The following TAF4 variants were observed in gnomAD, a reference collection of about 807,000 sequenced individuals.
TAF4 encodes TATA-box binding protein associated factor 4.
TAF4 carries 9 observed loss-of-function variants against 90.3 expected under a neutral mutation model. The observed-to-expected ratio is 0.10, with a 90% CI of 0.06 to 0.17. The LOEUF is 0.17. Ranked by LOEUF, TAF4 falls within the 10% of genes least tolerant of loss-of-function variation. TAF4 has a pLI of 1.00. For synonymous variants in TAF4, 818 were observed against 638.9 expected, an observed-to-expected ratio of 1.28 and a Z score of -4.23; for missense variants, 1,351 against 1,370.7, an observed-to-expected ratio of 0.99 and a Z score of 0.23.
At position 62,065,822 on chromosome 20, in the gene TAF4, G is replaced by A. The variant is rs1357038316; in HGVS notation, c.-12C>T. The A allele has an allele frequency of 9.5e-6, 12 of 1,266,886 alleles. No homozygotes were observed. The highest frequency in any genetic ancestry group is 1.4e-5 in the South Asian group (1 of 73,522). The allele number at this position is 1,266,886 out of a possible 1,614,324, so 78.5% of individuals were successfully genotyped here. A position where few individuals can be genotyped will look rare whatever the true frequency, so the allele number is the denominator to read the frequency against. Reference sequence around the variant, plus strand: ...GAGCCCGCCGCCATCTTTTTTCCTCGGCCGCCGCCGCCGCCGCCGCTCGGG... The same window carrying A: ...GAGCCCGCCGCCATCTTTTTTCCTCAGCCGCCGCCGCCGCCGCCGCTCGGG... On this transcript the variant is annotated 5_prime_UTR_variant, in exon 1 of 15. Transcript: ENST00000252996.
intron 1 of TAF4, 130 bp from the exon 2 acceptor site, chr20:62,014,837 T>A: frequency 8.1e-7 from 1 of 1,232,378 alleles, no homozygotes; most frequent in Non-Finnish European, 1.1e-6. Flanking sequence ...AACACACGAA[T>A]CCCCCAAACT....
Position 62,064,681 on chromosome 20 carries a change from G to T in TAF4, c.1130C>A (p.Pro377Gln). Residue 377 changes from proline (P) to glutamine (Q), a missense_variant, in exon 1 of 15, where the codon CCA becomes CAA. Pro to Gln is a moderately conservative substitution (Grantham distance 76, BLOSUM62 -1). This residue lies in a region of TAF4 where 782 missense variants were observed against 536.6 expected (regional missense o/e 1.46). Transcript: ENST00000252996. Reference sequence around the variant, plus strand: ...GCTGGGCAGCGCCCCTTGCATAGTTGGCCCGATGACCATGCTGGCCGCCGT... The same window carrying T: ...GCTGGGCAGCGCCCCTTGCATAGTTTGCCCGATGACCATGCTGGCCGCCGT... ...ASTAASMVIG[P>Q]TMQGALPSPA... The T allele has an allele frequency of 7.9e-7, 1 of 1,272,462 alleles. No homozygotes were observed. The highest frequency in any genetic ancestry group is 9.9e-7 in the Non-Finnish European group (1 of 1,014,352). 78.8% of individuals were successfully genotyped at this position (1,272,462 alleles called of 1,614,324 possible).
At chr20:61,976,921 C>A (rs935889446) in intron 14 of TAF4, among the ~76,000 whole-genome samples, 3 of 152,230 alleles carry the variant, frequency 2.0e-5, no homozygotes, top group Non-Finnish European at 2.9e-5. Flanking sequence ...CCAGGTGTCT[C>A]CCGAGCTGCC....
chr20:61,982,593 CG>C (rs2055556237), intron 14 of TAF4, among the ~76,000 whole-genome samples: 1 of 81,532 alleles, frequency 1.2e-5, no homozygotes, highest in African/African-American at 4.9e-5. Flanking sequence ...ACACCCCACC[CG>C]AGAGGAGACA....
chr20:62,036,033 T>A (rs1220026780), intron 1 of TAF4, among the ~76,000 whole-genome samples: 3 of 149,466 alleles, frequency 2.0e-5, no homozygotes, highest in Admixed American at 6.6e-5. Context: ...CTTTTTTTTT[T>A]TAAAAAAAAA....
intron 5 of TAF4, 98 bp from the exon 6 acceptor site, chr20:62,007,734 C>T (rs903404559): frequency 1.6e-5 from 19 of 1,187,872 alleles, no homozygotes; most frequent in South Asian, 5.7e-5. Flanking sequence ...CGGCTGATTC[C>T]GCCCCGAGTT....
At position 62,010,297 on chromosome 20, in the gene TAF4, C is replaced by A. The variant is rs1281143432; in HGVS notation, c.1642-132G>T. On this transcript the variant is annotated intron_variant, in intron 3 of 14. Transcript: ENST00000252996. This position sits in a 1 kb window ranked among gnomAD's most constrained non-coding sequence, Gnocchi z 4.5. Reference sequence around the variant, plus strand: ...CAGGACGCCCAGGAAGCCAAGGACCCCGGCCACCTGCCAGCCCGCTGGACA... The same window carrying A: ...CAGGACGCCCAGGAAGCCAAGGACCACGGCCACCTGCCAGCCCGCTGGACA... 1.1e-5 allele frequency: 15 copies of A among 1,364,288 alleles called. No individual in the cohort carries two copies. In the East Asian group the frequency reaches 1.2e-4, roughly 11 times the overall value. The allele number at this position is 1,364,288 out of a possible 1,614,324, so 84.5% of individuals were successfully genotyped here.
At position 62,009,160 on chromosome 20, in the gene TAF4, G is replaced by A. The variant is rs200374501; in HGVS notation, c.1776C>T (p.Asn592=). 138 of 1,606,828 alleles carry A rather than the reference G, an allele frequency of 8.6e-5. No homozygotes were observed. Among genetic ancestry groups the A allele is most frequent in the Non-Finnish European group, 1.1e-4 (130 of 1,177,868 alleles). Residue 592 remains asparagine, a synonymous_variant, in exon 5 of 15, where the codon AAC becomes AAT. Transcript: ENST00000252996. ...TSSAATETME[N]VKKCKNFLST... Reference sequence around the variant, plus strand: ...ATAGGAAATTTTTACATTTCTTCACGTTTTCCATAGTTTCCTGGATTAAAG... The same window carrying A: ...ATAGGAAATTTTTACATTTCTTCACATTTTCCATAGTTTCCTGGATTAAAG...
chr20:62,021,441 T>C (rs2055842490), intron 1 of TAF4, among the ~76,000 whole-genome samples: 2 of 152,232 alleles, frequency 1.3e-5, no homozygotes, highest in Non-Finnish European at 1.5e-5. Context: ...ACAGCCCTTC[T>C]AGCTGCTGAG....
chr20:62,040,960 T>C (rs1358741839), intron 1 of TAF4, among the ~76,000 whole-genome samples: 1 of 152,236 alleles, frequency 6.6e-6, no homozygotes, highest in Non-Finnish European at 1.5e-5. Context: ...AGCTGGCAAA[T>C]GTATAGCGTA....
intron 1 of TAF4, among the ~76,000 whole-genome samples, chr20:62,048,721 C>A (rs1298908114): frequency 2.0e-5 from 3 of 151,618 alleles, no homozygotes; most frequent in Non-Finnish European, 2.9e-5. Context: ...CTCCATGCCC[C>A]CTGGTCCTCT....
intron 1 of TAF4, among the ~76,000 whole-genome samples, chr20:62,045,774 T>C (rs2055989832): frequency 6.6e-6 from 1 of 152,206 alleles, no homozygotes; most frequent in African/African-American, 2.4e-5. Context: ...GCATGAAAAC[T>C]CTTTCTCGTC....
chr20:61,988,966 G>A (rs949686166), intron 14 of TAF4, among the ~76,000 whole-genome samples: 3 of 152,050 alleles, frequency 2.0e-5, no homozygotes, highest in Non-Finnish European at 4.4e-5. Flanking sequence ...CTGGCGCCGC[G>A]ACCCCAGCAG....
intron 14 of TAF4, among the ~76,000 whole-genome samples, chr20:61,995,187 A>T (rs563379451): frequency 6.6e-6 from 1 of 152,344 alleles, no homozygotes; most frequent in South Asian, 2.1e-4. Flanking sequence ...AGGAGACAAG[A>T]AAGTGTGCAA....
intron 1 of TAF4, among the ~76,000 whole-genome samples, chr20:62,051,793 C>A (rs1053998416): frequency 6.6e-6 from 1 of 152,228 alleles, no homozygotes; most frequent in Non-Finnish European, 1.5e-5. Flanking sequence ...CTCCTGCAGC[C>A]ATCACTGGCC....
At chr20:61,997,503 GTTCCCCATGT>G (rs961214803) in intron 14 of TAF4, 37 bp downstream of exon 14, 2 of 1,504,538 alleles carry the variant, frequency 1.3e-6, no homozygotes, top group Non-Finnish European at 1.8e-6. Context: ...GCTCTAAGAT[GTTCCCCATGT>G]TTCCCCCAGG....
At chr20:62,007,461 G>A (rs56128618) in intron 6 of TAF4, 86 bp downstream of exon 6, 14,345 of 1,317,080 alleles carry the variant, frequency 0.011, 110 homozygotes, top group Middle Eastern at 0.026. Flanking sequence ...CGTGCCTGGA[G>A]CATCCTCGCC....
At chr20:62,021,491 T>C (rs983673601) in intron 1 of TAF4, among the ~76,000 whole-genome samples, 5 of 152,232 alleles carry the variant, frequency 3.3e-5, no homozygotes, top group Non-Finnish European at 7.3e-5. Context: ...AGCACAGCAC[T>C]TGGCTCGACT....
intron 1 of TAF4, among the ~76,000 whole-genome samples, chr20:62,015,310 T>C (rs2055806267): frequency 6.6e-6 from 1 of 152,208 alleles, no homozygotes; most frequent in East Asian, 1.9e-4. Context: ...GGAGAACCAT[T>C]TGCCCGTCAT....
Sources: allele counts gnomAD v4.1 joint callset (sites outside exome capture counted in the v4.1 genomes callset), GRCh38; gene constraint gnomAD v4.1.1; regional missense constraint gnomAD v4.1.1; non-coding constraint Gnocchi (gnomAD v3.1); transcripts MANE v1.5; gene names NCBI Gene and HGNC (gene_info 2026-07-23, HGNC 2026-07-21).